Variants in LRRTM4 observed in about 807,000 individuals in gnomAD.
LRRTM4 encodes the protein leucine-rich repeat transmembrane neuronal protein 4.
A neutral mutation model predicts 47.6 loss-of-function variants in LRRTM4; 25 were observed. The observed-to-expected ratio is 0.53, with a 90% CI of 0.38 to 0.73. The LOEUF is 0.73. Ranked by LOEUF, LRRTM4 falls within the 30% of genes least tolerant of loss-of-function variation. LRRTM4 has a pLI of 0.00. For missense variants in LRRTM4, 638 were observed against 713.4 expected (o/e 0.89, Z 1.20); for synonymous variants, 311 against 269.5 (o/e 1.15, Z -1.51).
At chr2:77,496,145 G>T (rs1448320396) in intron 3 of LRRTM4, among the ~76,000 whole-genome samples, 1 of 151,752 alleles carries the variant, frequency 6.6e-6, no homozygotes. Flanking sequence ...ATGTATTTTT[G>T]ATTGCTATTA....
chr2:77,321,409 A>G (rs1677784882), intron 3 of LRRTM4, among the ~76,000 whole-genome samples: 1 of 152,082 alleles, frequency 6.6e-6, no homozygotes. Flanking sequence ...ACATAACCAG[A>G]AGGCAATTGT....
intron 3 of LRRTM4, among the ~76,000 whole-genome samples, chr2:76,948,035 A>G (rs1675378340): frequency 6.6e-6 from 1 of 151,760 alleles, no homozygotes; most frequent in Non-Finnish European, 1.5e-5. Flanking sequence ...TCCTCAAACT[A>G]TTTTCTTTGT....
chr2:77,361,431 C>T (rs1231211660), intron 3 of LRRTM4, among the ~76,000 whole-genome samples: 1 of 152,098 alleles, frequency 6.6e-6, no homozygotes, highest in African/African-American at 2.4e-5. Flanking sequence ...TTTTGATCGT[C>T]TTCATTCGCT....
chr2:77,042,549 G>C (rs996215985), intron 3 of LRRTM4, among the ~76,000 whole-genome samples: 5 of 151,642 alleles, frequency 3.3e-5, no homozygotes, highest in Admixed American at 6.6e-5. Flanking sequence ...TGTAGTTTTT[G>C]TATAACACAG....
At chr2:76,826,342 G>A (rs1370720538) in intron 3 of LRRTM4, among the ~76,000 whole-genome samples, 1 of 151,466 alleles carries the variant, frequency 6.6e-6, no homozygotes, top group Non-Finnish European at 1.5e-5. Context: ...TTTGAAGCTA[G>A]GCATCATGGC....
chr2:77,029,047 ACAC>A (rs1558537461), intron 3 of LRRTM4, among the ~76,000 whole-genome samples: 21 of 134,276 alleles, frequency 1.6e-4, no homozygotes, highest in African/African-American at 1.9e-4. Flanking sequence ...ACACACACAC[ACAC>A]AAATATATAT....
At chr2:76,952,485 T>C (rs1326851631) in intron 3 of LRRTM4, among the ~76,000 whole-genome samples, 2 of 152,100 alleles carry the variant, frequency 1.3e-5, no homozygotes, top group African/African-American at 4.8e-5. Context: ...ACAACCACAG[T>C]AAGATACCAT....
At chr2:76,813,272 T>G (rs538485832) in intron 3 of LRRTM4, among the ~76,000 whole-genome samples, 2 of 152,296 alleles carry the variant, frequency 1.3e-5, no homozygotes, top group African/African-American at 4.8e-5. Flanking sequence ...GGGAATTGTT[T>G]ATAGGAATGA....
At chr2:77,395,065 C>T (rs1673650061) in intron 3 of LRRTM4, among the ~76,000 whole-genome samples, 1 of 151,908 alleles carries the variant, frequency 6.6e-6, no homozygotes, top group African/African-American at 2.4e-5. Context: ...TGAATTAACC[C>T]TTGCCTGGCA....
At chr2:76,884,080 A>T (rs1485122616) in intron 3 of LRRTM4, among the ~76,000 whole-genome samples, 1 of 151,724 alleles carries the variant, frequency 6.6e-6, no homozygotes, top group African/African-American at 2.4e-5. Flanking sequence ...TCGACCTCCC[A>T]AATTGTTGAA....
intron 3 of LRRTM4, among the ~76,000 whole-genome samples, chr2:77,086,737 C>G (rs1031955435): frequency 6.6e-5 from 10 of 152,020 alleles, no homozygotes; most frequent in Non-Finnish European, 4.4e-5. Flanking sequence ...TCAGGTAATC[C>G]GGCTGCCACA....
At chr2:76,820,317 G>A (rs1258385341) in intron 3 of LRRTM4, among the ~76,000 whole-genome samples, 2 of 151,628 alleles carry the variant, frequency 1.3e-5, no homozygotes, top group Non-Finnish European at 2.9e-5. Flanking sequence ...TTTACATTCC[G>A]TCCCTAGGCT....
rs578121288 is a variant in LRRTM4 at position 77,348,351 on chromosome 2, T to C, written c.1551+169967A>G. On this transcript the variant is annotated intron_variant, in intron 3 of 3. Transcript: ENST00000409884. Reference sequence around the variant, plus strand: ...ATTTTAAAAAAGGAAATTTTCTTTTTAATTTTATTTTATACCCTGTATCGT... The same window carrying C: ...ATTTTAAAAAAGGAAATTTTCTTTTCAATTTTATTTTATACCCTGTATCGT... Among the ~76,000 whole-genome samples the C allele has an allele frequency of 1.3e-4, 19 of 151,806 alleles. No homozygotes were observed. The East Asian group carries it at 3.5e-3, about 28-fold the overall frequency.
chr2:77,495,122 C>G (rs1678310890), intron 3 of LRRTM4, among the ~76,000 whole-genome samples: 1 of 151,998 alleles, frequency 6.6e-6, no homozygotes, highest in African/African-American at 2.4e-5. Flanking sequence ...ATGCACAAGT[C>G]TTTGTATGGG....
intron 3 of LRRTM4, among the ~76,000 whole-genome samples, chr2:76,891,398 G>A (rs1365718326): frequency 2.0e-5 from 3 of 151,486 alleles, no homozygotes; most frequent in African/African-American, 7.2e-5. Flanking sequence ...CATATTGGAA[G>A]GAAAAAATTA....
chr2:77,399,042 C>T (rs552507392), intron 3 of LRRTM4, among the ~76,000 whole-genome samples: 13 of 151,862 alleles, frequency 8.6e-5, no homozygotes, highest in African/African-American at 3.1e-4. Flanking sequence ...CATGACTAGA[C>T]TGGCCTTTAT....
intron 3 of LRRTM4, among the ~76,000 whole-genome samples, chr2:76,901,546 C>T (rs1262205647): frequency 2.0e-5 from 3 of 151,858 alleles, no homozygotes; most frequent in South Asian, 2.1e-4. Context: ...CCATGGAAGG[C>T]TCAGAGAAAA....
At chr2:77,307,565 TA>T (rs1677318800) in intron 3 of LRRTM4, among the ~76,000 whole-genome samples, 1 of 133,194 alleles carries the variant, frequency 7.5e-6, no homozygotes, top group Non-Finnish European at 1.6e-5. Flanking sequence ...GAAATATAAA[TA>T]TATAGATATA....
At chr2:76,767,916 T>C (rs1673522191) in intron 3 of LRRTM4, among the ~76,000 whole-genome samples, 1 of 152,198 alleles carries the variant, frequency 6.6e-6, no homozygotes, top group Non-Finnish European at 1.5e-5. Flanking sequence ...CTATAAAATA[T>C]TAATTAAGCC....
Sources: allele counts gnomAD v4.1 joint callset (sites outside exome capture counted in the v4.1 genomes callset), GRCh38; gene constraint gnomAD v4.1.1; transcripts MANE v1.5; gene names NCBI Gene and HGNC (gene_info 2026-07-23, HGNC 2026-07-21).